The following ISM1 variants were observed in gnomAD, a reference collection of about 807,000 sequenced individuals.
ISM1 encodes the protein isthmin-1.
A neutral mutation model predicts 46.3 loss-of-function variants in ISM1; 25 were observed. That is an observed-to-expected ratio of 0.54 (90% CI 0.39 to 0.75). The LOEUF is 0.75. Among genes scored for constraint, ISM1 ranks in the 30% least tolerant of loss-of-function variants. ISM1 has a pLI of 0.00. For synonymous variants in ISM1, 255 were observed against 256.7 expected (o/e 0.99, Z 0.06); for missense variants, 536 against 625.4 (o/e 0.86, Z 1.52).
chr20:13,258,709 C>A (rs1372803049), intron 1 of ISM1, among the ~76,000 whole-genome samples: 1 of 152,014 alleles, frequency 6.6e-6, no homozygotes, highest in Non-Finnish European at 1.5e-5. Context: ...CTGGGAGGAG[C>A]TGTTTCTCTA....
chr20:13,288,609 A>G lies in ISM1; in HGVS notation c.713A>G (p.Gln238Arg), dbSNP rs1458901372. The G allele has an allele frequency of 6.2e-7, 1 of 1,613,914 alleles. No individual in the cohort carries two copies. Residue 238 changes from glutamine (Q) to arginine (R), a missense_variant, in exon 4 of 6, where the codon CAG (glutamine) becomes CGG (arginine). By Grantham distance (43) the Gln-to-Arg change is conservative. Coordinates refer to ENST00000262487, the MANE Select transcript of ISM1 (RefSeq NM_080826.2). Reference sequence around the variant, plus strand: ...AGCGTCACCTGCGGGAACGGCAACCAGAAACGGACCCGGTCTTGTGGCTAC... The same window carrying G: ...AGCGTCACCTGCGGGAACGGCAACCGGAAACGGACCCGGTCTTGTGGCTAC... Reference protein sequence around the residue: ...VCSVTCGNGNQKRTRSCGYAC... With the variant: ...VCSVTCGNGNRKRTRSCGYAC...
intron 1 of ISM1, among the ~76,000 whole-genome samples, chr20:13,263,576 A>G (rs1182827210): frequency 6.6e-6 from 1 of 152,154 alleles, no homozygotes; most frequent in African/African-American, 2.4e-5. Context: ...TTGAAATACC[A>G]CTAGTGGCAT....
intron 2 of ISM1, among the ~76,000 whole-genome samples, chr20:13,274,768 G>C (rs2040159136): frequency 6.7e-6 from 1 of 150,120 alleles, no homozygotes. Context: ...TTAACTCCCA[G>C]AAGTCAGGCA....
chr20:13,281,991 T>C (rs1383468628), intron 3 of ISM1, among the ~76,000 whole-genome samples: 1 of 152,138 alleles, frequency 6.6e-6, no homozygotes, highest in Non-Finnish European at 1.5e-5. Flanking sequence ...AATGCAAATG[T>C]TTCAAGCCTG....
intron 1 of ISM1, among the ~76,000 whole-genome samples, chr20:13,232,097 C>T (rs562698028): frequency 6.6e-6 from 1 of 152,294 alleles, no homozygotes; most frequent in Non-Finnish European, 1.5e-5. Context: ...ACAGGTAACC[C>T]TGGGAGATGG....
At chr20:13,326,377 G>A in the ISM1 span, among the ~76,000 whole-genome samples, 15 of 152,104 alleles carry the variant, frequency 9.9e-5, no homozygotes, top group African/African-American at 1.4e-4. Flanking sequence ...GTATATATTC[G>A]ATTTAAGTAT....
At chr20:13,256,790 CT>C (rs1263740142) in intron 1 of ISM1, among the ~76,000 whole-genome samples, 1 of 152,172 alleles carries the variant, frequency 6.6e-6, no homozygotes, top group African/African-American at 2.4e-5. Flanking sequence ...GTTTTCTCAT[CT>C]GTACAATGGG....
At chr20:13,286,048 G>T (rs1237160503) in intron 3 of ISM1, among the ~76,000 whole-genome samples, 1 of 152,122 alleles carries the variant, frequency 6.6e-6, no homozygotes, top group Admixed American at 6.5e-5. Flanking sequence ...CTACCTAGGG[G>T]ATTTAATAAG....
intron 1 of ISM1, among the ~76,000 whole-genome samples, chr20:13,253,806 A>G (rs2039893839): frequency 6.6e-6 from 1 of 152,056 alleles, no homozygotes; most frequent in South Asian, 2.1e-4. Flanking sequence ...GCTAGTTCAG[A>G]TATCTTAAAA....
chr20:13,290,989 G>A (rs1188868826), intron 4 of ISM1, among the ~76,000 whole-genome samples: 3 of 152,168 alleles, frequency 2.0e-5, no homozygotes, highest in Admixed American at 2.0e-4. Context: ...CCAAGAGAAG[G>A]GTATTGGAAT....
At chr20:13,251,182 A>C (rs2039864320) in intron 1 of ISM1, among the ~76,000 whole-genome samples, 1 of 152,108 alleles carries the variant, frequency 6.6e-6, no homozygotes, top group Non-Finnish European at 1.5e-5. Flanking sequence ...CCAGTAGTTG[A>C]ATGGTGAGCA....
At chr20:13,306,564 C>CAAAAAAAAAAAAAAAAAAAAAAAGAA in the ISM1 span, among the ~76,000 whole-genome samples, 1 of 63,914 alleles carries the variant, frequency 1.6e-5, no homozygotes, top group African/African-American at 7.2e-5. Flanking sequence ...GGAGAAAGGA[C>CAAAAAAAAAAAAAAAAAAAAAAAGAA]AAAAAAAAAA....
At chr20:13,231,811 C>T (rs189385718) in intron 1 of ISM1, among the ~76,000 whole-genome samples, 5 of 152,284 alleles carry the variant, frequency 3.3e-5, no homozygotes, top group Admixed American at 3.3e-4. Flanking sequence ...CTCTGAGCTG[C>T]CTGATTTGCA....
At chr20:13,317,858 G>A in the ISM1 span, among the ~76,000 whole-genome samples, 1 of 151,986 alleles carries the variant, frequency 6.6e-6, no homozygotes, top group Non-Finnish European at 1.5e-5. Flanking sequence ...TAACATAGGA[G>A]AAAATCTAGA....
chr20:13,306,275 CTA>C, the ISM1 span, among the ~76,000 whole-genome samples: 1 of 151,908 alleles, frequency 6.6e-6, no homozygotes, highest in Non-Finnish European at 1.5e-5. Context: ...AATTTTTTTT[CTA>C]TGTTGTTTAG....
chr20:13,243,047 G>A (rs1205375640), intron 1 of ISM1, among the ~76,000 whole-genome samples: 1 of 152,182 alleles, frequency 6.6e-6, no homozygotes, highest in Non-Finnish European at 1.5e-5. Flanking sequence ...AGAGGTAGAG[G>A]CAAGATTTGA....
chr20:13,310,982 T>C, the ISM1 span, among the ~76,000 whole-genome samples: 1 of 152,124 alleles, frequency 6.6e-6, no homozygotes, highest in African/African-American at 2.4e-5. Flanking sequence ...TCACCTGAGG[T>C]CAGGAGTTTG....
intron 1 of ISM1, among the ~76,000 whole-genome samples, chr20:13,226,974 G>T (rs922545878): frequency 1.3e-5 from 2 of 152,084 alleles, no homozygotes; most frequent in Non-Finnish European, 2.9e-5. Flanking sequence ...CCTAATTTTT[G>T]ATTTACATTT....
At chr20:13,229,636 A>T (rs956332126) in intron 1 of ISM1, among the ~76,000 whole-genome samples, 1 of 152,214 alleles carries the variant, frequency 6.6e-6, no homozygotes, top group Non-Finnish European at 1.5e-5. Flanking sequence ...TTCTTACACA[A>T]GCCTTTCTGT....
Sources: allele counts gnomAD v4.1 joint callset (sites outside exome capture counted in the v4.1 genomes callset), GRCh38; gene constraint gnomAD v4.1.1; transcripts MANE v1.5; gene names NCBI Gene and HGNC (gene_info 2026-07-23, HGNC 2026-07-21).